Variants in IK observed in about 807,000 individuals in gnomAD.
IK encodes the protein protein Red.
A neutral mutation model predicts 90.9 loss-of-function variants in IK; 47 were observed. The observed-to-expected ratio is 0.52, with a 90% CI of 0.41 to 0.66. The LOEUF is 0.66. Among genes scored for constraint, IK ranks in the 30% least tolerant of loss-of-function variants. The pLI is 0.00. For synonymous variants in IK, 201 were observed against 227.5 expected (o/e 0.88, Z 1.05); for missense variants, 385 against 709.3 (o/e 0.54, Z 5.19).
chr5:140,649,371 A>C (rs1300921489), intron 2 of IK, among the ~76,000 whole-genome samples: 1 of 132,410 alleles, frequency 7.6e-6, no homozygotes. Flanking sequence ...ACCATGCACG[A>C]CTGATTTTTT....
chr5:140,660,279 C>T, intron 15 of IK, 84 bp downstream of exon 15: 1 of 628,998 alleles, frequency 1.6e-6, no homozygotes, highest in Non-Finnish European at 2.6e-6. Context: ...TTCGCTAAGT[C>T]CCAGGGCTAC....
chr5:140,650,578 T>C, intron 2 of IK, among the ~76,000 whole-genome samples: 1 of 152,048 alleles, frequency 6.6e-6, no homozygotes, highest in Non-Finnish European at 1.5e-5. Flanking sequence ...GATTCTTTTC[T>C]TTTTTTTATT....
chr5:140,662,122 G>T, intron 18 of IK, 57 bp from the exon 19 acceptor site: 1 of 1,608,124 alleles, frequency 6.2e-7, no homozygotes, highest in Non-Finnish European at 8.5e-7. Flanking sequence ...TCAGCCTTGG[G>T]CCTCAGGTGA....
chr5:140,660,448 T>C, intron 15 of IK: 1 of 540,998 alleles, frequency 1.8e-6, no homozygotes, highest in Non-Finnish European at 3.3e-6. Flanking sequence ...TAGGCATGCA[T>C]CACCACACCT....
chr5:140,653,435 C>T (rs570060997), intron 5 of IK, among the ~76,000 whole-genome samples: 28 of 151,276 alleles, frequency 1.9e-4, no homozygotes, highest in African/African-American at 5.6e-4. Flanking sequence ...TACAGGCGCC[C>T]GCCACCACGC....
chr5:140,649,666 G>A (rs760459356), intron 2 of IK, among the ~76,000 whole-genome samples: 5 of 152,082 alleles, frequency 3.3e-5, no homozygotes, highest in Non-Finnish European at 5.9e-5. Flanking sequence ...TTCCCCAGTA[G>A]CTGGGATTAC....
Position 140,654,578 on chromosome 5 carries a change from A to AG in IK, c.583dup (p.Glu195GlyfsTer6). 6.3e-7 allele frequency: 1 copy of AG among 1,588,750 alleles called. No homozygotes were observed. Among genetic ancestry groups the AG allele is most frequent in the Non-Finnish European group, 8.6e-7 (1 of 1,166,694 alleles). On this transcript the variant is annotated frameshift_variant, in exon 7 of 20. Coordinates refer to ENST00000417647, the MANE Select transcript of IK (RefSeq NM_006083.4). LOFTEE classifies it high-confidence loss of function. ...AGGAACTGATGGAAAAGCCCCAGAA[A>AG]GAAACCAAGTAAGTAAATATTATGG...
At position 140,662,292 on chromosome 5, in the gene IK, T is replaced by A; in HGVS notation, c.1647-10T>A. Reference sequence around the variant, plus strand: ...GATCTTATACTGACCCATTTCTCCTTCCATTGCAGGGTTGAAGTCAAAAGA... The same window carrying A: ...GATCTTATACTGACCCATTTCTCCTACCATTGCAGGGTTGAAGTCAAAAGA... On this transcript the variant is annotated splice_polypyrimidine_tract_variant and intron_variant, in intron 19 of 19. Coordinates refer to ENST00000417647, the MANE Select transcript of IK (RefSeq NM_006083.4). The A allele has an allele frequency of 6.2e-7, 1 of 1,614,028 alleles. No homozygotes were observed. Among genetic ancestry groups the A allele is most frequent in the Non-Finnish European group, 8.5e-7 (1 of 1,179,894 alleles).
Position 140,653,924 on chromosome 5 carries a change from C to T in IK, c.405-14C>T, listed in dbSNP as rs1434726423. ...GGACAGTACTGTTCTTATGTGGCCT[C>T]TTTCATTATACAGGGACAAATCAGC... On this transcript the variant is annotated splice_polypyrimidine_tract_variant and intron_variant, in intron 5 of 19. Coordinates refer to ENST00000417647, the MANE Select transcript of IK (RefSeq NM_006083.4). 2.6e-6 allele frequency: 4 copies of T among 1,560,454 alleles called. No individual in the cohort carries two copies. Among genetic ancestry groups the T allele is most frequent in the Non-Finnish European group, 3.5e-6 (4 of 1,133,730 alleles).
chr5:140,660,495 A>G (rs995885496), intron 15 of IK: 2 of 543,614 alleles, frequency 3.7e-6, no homozygotes, highest in Non-Finnish European at 6.5e-6. Context: ...ATGAGGTTTC[A>G]CCATGTTGGT....
chr5:140,653,130 C>G lies in IK; in HGVS notation c.390C>G (p.Gly130=). 1.9e-6 allele frequency: 3 copies of G among 1,613,590 alleles called. No individual in the cohort carries two copies. Among genetic ancestry groups the G allele is most frequent in the Non-Finnish European group, 2.5e-6 (3 of 1,179,640 alleles). Residue 130 remains glycine (G), a synonymous_variant, in exon 5 of 20, where the codon GGC becomes GGG. Coordinates refer to ENST00000417647, the MANE Select transcript of IK (RefSeq NM_006083.4). ...ISTTANYRAV[G]PTAEADKSAA... is the part of the protein sequence containing the mutation. ...CCACAGCTAACTATAGGGCTGTTGGCCCCACTGCTGAGGCGTGAGTACTGA... is the reference window on the plus strand; with the variant it reads ...CCACAGCTAACTATAGGGCTGTTGGGCCCACTGCTGAGGCGTGAGTACTGA...
chr5:140,657,948 A>C (rs1281860644), intron 10 of IK, among the ~76,000 whole-genome samples: 1 of 152,114 alleles, frequency 6.6e-6, no homozygotes, highest in Non-Finnish European at 1.5e-5. Context: ...AAACCAGAAA[A>C]CCTAGACAGA....
chr5:140,661,987 C>T lies in IK; in HGVS notation c.1591C>T (p.Gln531Ter), dbSNP rs752693823. Residue 531 changes from glutamine (Q) to a stop codon, truncating the protein, a stop_gained, in exon 18 of 20, where the codon CAG becomes TAG. Coordinates refer to ENST00000417647, the MANE Select transcript of IK (RefSeq NM_006083.4). LOFTEE classifies it high-confidence loss of function. The surrounding 1 kb of genome is among the most constrained non-coding windows in gnomAD (Gnocchi z 4.2). Reference sequence around the variant, plus strand: ...CAATGACAAAGCAGAGCTTGATCGCCAGTGGAAGAAGATTAGTGCAGTAAG... The same window carrying T: ...CAATGACAAAGCAGAGCTTGATCGCTAGTGGAAGAAGATTAGTGCAGTAAG... ...ETNDKAELDR[Q>*]WKKISAIIEK... The T allele has an allele frequency of 6.2e-7, 1 of 1,608,992 alleles. No individual in the cohort carries two copies. Among genetic ancestry groups the T allele is most frequent in the Non-Finnish European group, 8.5e-7 (1 of 1,177,608 alleles).
At position 140,651,694 on chromosome 5, in the gene IK, A is replaced by C. The variant is rs771141213; in HGVS notation, c.84-20A>C. ...TTCTTATTGAGTCCTAATATTTAAA[A>C]TCTTTGCCTTTTCTTCTAGATCAAA... is the stretch of plus-strand genomic sequence containing the variant. On this transcript the variant is annotated intron_variant, in intron 2 of 19. Coordinates refer to ENST00000417647, the MANE Select transcript of IK (RefSeq NM_006083.4). The C allele has an allele frequency of 1.4e-6, 2 of 1,383,350 alleles. No individual in the cohort carries two copies. Among genetic ancestry groups the C allele is most frequent in the South Asian group, 2.4e-5 (2 of 83,428 alleles). 85.7% of individuals were successfully genotyped at this position (1,383,350 alleles called of 1,614,324 possible). A position where few individuals can be genotyped will look rare whatever the true frequency, so the allele number is the denominator to read the frequency against.
At chr5:140,654,086 G>T (rs756429371) in intron 6 of IK, 34 bp downstream of exon 6, 6 of 1,228,566 alleles carry the variant, frequency 4.9e-6, no homozygotes, top group South Asian at 3.7e-5. Flanking sequence ...GAGTAATACT[G>T]TCGTGCTGAA....
chr5:140,657,094 T>A (rs1757725790), intron 9 of IK, among the ~76,000 whole-genome samples: 1 of 152,112 alleles, frequency 6.6e-6, no homozygotes, highest in Non-Finnish European at 1.5e-5. Context: ...TCCCAGTTAC[T>A]CGGAAGGCTG....
intron 8 of IK, 40 bp downstream of exon 8, chr5:140,654,767 T>C: frequency 3.1e-6 from 4 of 1,299,186 alleles, no homozygotes; most frequent in Non-Finnish European, 4.4e-6. Context: ...GCATTCTGGA[T>C]GAATTGTACG....
At chr5:140,655,787 C>T (rs1183112285) in intron 8 of IK, 42 bp from the exon 9 acceptor site, 3 of 1,591,268 alleles carry the variant, frequency 1.9e-6, no homozygotes, top group Admixed American at 3.5e-5. Flanking sequence ...GACAGCTGTT[C>T]TTGTAGATCC....
chr5:140,659,117 G>A lies in IK; in HGVS notation c.1129G>A (p.Glu377Lys). The A allele has an allele frequency of 6.2e-7, 1 of 1,603,278 alleles. No homozygotes were observed. Among genetic ancestry groups the A allele is most frequent in the Non-Finnish European group, 8.5e-7 (1 of 1,174,850 alleles). The change falls in exon 12 of 20, where the codon GAA (glutamate) becomes AAA (lysine). Residue 377 changes from glutamate to lysine, a missense_variant. This residue lies in a region of IK where 139 missense variants were observed against 172.0 expected (regional missense o/e 0.81). Coordinates refer to ENST00000417647, the MANE Select transcript of IK (RefSeq NM_006083.4). ...AGAGCGGGACCGAGAGAGAGAAGAG[G>A]AAAAGAAGAGACACAGCTACTTTGA... The part of the protein sequence containing the change: ...ERERDREREE[E>K]KKRHSYFEKP...
Sources: allele counts gnomAD v4.1 joint callset (sites outside exome capture counted in the v4.1 genomes callset), GRCh38; gene constraint gnomAD v4.1.1; regional missense constraint gnomAD v4.1.1; non-coding constraint Gnocchi (gnomAD v3.1); transcripts MANE v1.5; gene names NCBI Gene and HGNC (gene_info 2026-07-23, HGNC 2026-07-21).